The following MCM9 variants were observed in gnomAD, a reference collection of about 807,000 sequenced individuals.
The protein encoded by MCM9 is DNA helicase MCM9.
Under a neutral mutation model 72.8 loss-of-function variants are expected in MCM9, and 55 were observed. That is an observed-to-expected ratio of 0.76 (90% CI 0.61 to 0.95). MCM9 has a LOEUF of 0.95. MCM9 is among the 40% of genes least tolerant of loss of function. The pLI is 0.00. For missense variants in MCM9, 1,279 were observed against 1,377.0 expected (o/e 0.93, Z 1.13); for synonymous variants, 480 against 503.4 (o/e 0.95, Z 0.62).
chr6:118,824,327 C>A (rs969325096), intron 13 of MCM9, among the ~76,000 whole-genome samples: 1 of 148,492 alleles, frequency 6.7e-6, no homozygotes, highest in Admixed American at 6.7e-5. Flanking sequence ...TAGACTAAGC[C>A]CTATTATTTT....
chr6:118,868,401 A>C (rs1415081327), intron 8 of MCM9, among the ~76,000 whole-genome samples: 1 of 152,214 alleles, frequency 6.6e-6, no homozygotes, highest in Non-Finnish European at 1.5e-5. Flanking sequence ...AATGGCAACG[A>C]AAGCCAAAAT....
intron 8 of MCM9, among the ~76,000 whole-genome samples, chr6:118,863,867 T>G (rs1057250315): frequency 6.6e-6 from 1 of 152,158 alleles, no homozygotes; most frequent in African/African-American, 2.4e-5. Flanking sequence ...CCCTTTTTTT[T>G]ATAAACTACC....
intron 9 of MCM9, among the ~76,000 whole-genome samples, chr6:118,841,963 T>C (rs531953681): frequency 6.6e-6 from 1 of 151,768 alleles, no homozygotes; most frequent in South Asian, 2.1e-4. Context: ...GCCTCCAGAG[T>C]AGCTGGGACT....
chr6:118,831,367 G>A (rs1295326334), intron 9 of MCM9, among the ~76,000 whole-genome samples: 1 of 151,832 alleles, frequency 6.6e-6, no homozygotes, highest in Non-Finnish European at 1.5e-5. Flanking sequence ...AAAAAGTTGG[G>A]GGTGGGGAGA....
intron 9 of MCM9, among the ~76,000 whole-genome samples, chr6:118,846,657 C>A (rs1036071551): frequency 4.0e-5 from 6 of 151,632 alleles, no homozygotes; most frequent in Non-Finnish European, 7.4e-5. Context: ...AAGAAGGAGG[C>A]AAGCAGTGGA....
intron 8 of MCM9, among the ~76,000 whole-genome samples, chr6:118,871,861 C>T (rs149878983): frequency 2.6e-5 from 4 of 151,298 alleles, no homozygotes; most frequent in Admixed American, 1.3e-4. Flanking sequence ...CAGCAGAGAT[C>T]GCACCACCGA....
intron 8 of MCM9, among the ~76,000 whole-genome samples, chr6:118,886,662 T>G (rs1302612894): frequency 6.6e-6 from 1 of 152,190 alleles, no homozygotes; most frequent in African/African-American, 2.4e-5. Context: ...GCTTATACTA[T>G]GAAAACAACA....
rs959408280 is a variant in MCM9, at chr6:118,930,984, G to A, written c.304+436C>T. Among the ~76,000 whole-genome samples the A allele has an allele frequency of 2.6e-5, 4 of 152,176 alleles. No homozygotes were observed. The South Asian group carries it at 8.3e-4, about 31-fold the overall frequency. ...CATGCATTCAACAAAAATGTATCGAGTAACTGGTAGGTAGACTGCACAATG... is the reference window on the plus strand; with the variant it reads ...CATGCATTCAACAAAAATGTATCGAATAACTGGTAGGTAGACTGCACAATG... On this transcript the variant is annotated intron_variant, in intron 3 of 13. Transcript: ENST00000619706.
At chr6:118,916,432 CATTATTATT>C (rs60745084) in intron 6 of MCM9, among the ~76,000 whole-genome samples, 259 of 142,392 alleles carry the variant, frequency 1.8e-3, no homozygotes, top group African/African-American at 3.5e-3. Flanking sequence ...GAAATGGAAG[CATTATTATT>C]ATTATTATTA....
chr6:118,895,387 C>T (rs1223481854), intron 8 of MCM9, among the ~76,000 whole-genome samples: 2 of 152,296 alleles, frequency 1.3e-5, no homozygotes, highest in African/African-American at 4.8e-5. Flanking sequence ...TTACATTTAA[C>T]CTAAAAGCAG....
rs1409415194 is a variant in MCM9 at position 118,815,776 on chromosome 6, G to C, written c.2480C>G (p.Ser827Cys). ...TTTATCAGCAGAGACTGCTGCTTCA[G>C]AATCTAGTGCTAGCCTTTTTTTCTT... ...SNKKKRLALD[S>C]EAAVSADKPD... Residue 827 changes from serine to cysteine, a missense_variant, in exon 14 of 14, where the codon TCT becomes TGT. Physicochemically the swap from Ser to Cys is moderately radical, Grantham distance 112. Coordinates refer to ENST00000619706, the MANE Select transcript of MCM9 (RefSeq NM_017696.3). The C allele has an allele frequency of 1.3e-6, 2 of 1,540,698 alleles. No individual in the cohort carries two copies. Among genetic ancestry groups the C allele is most frequent in the African/African-American group, 1.4e-5 (1 of 73,042 alleles).
Position 118,815,863 on chromosome 6 carries a change from C to A in MCM9, c.2393G>T (p.Gly798Val). 6.5e-7 allele frequency: 1 copy of A among 1,541,102 alleles called. No individual in the cohort carries two copies. Among genetic ancestry groups the A allele is most frequent in the Non-Finnish European group, 8.7e-7 (1 of 1,146,942 alleles). The change falls in exon 14 of 14, where the codon GGG becomes GTG. Residue 798 changes from glycine to valine, a missense_variant. Physicochemically the swap from Gly to Val is moderately radical, Grantham distance 109 (BLOSUM62 -3). Transcript: ENST00000619706. ...EPGQRSKVDI[G>V]LLPSPGETGV... is the part of the protein sequence containing the mutation. Reference sequence around the variant, plus strand: ...TGTCTCTCCTGGTGATGGAAGCAACCCAATGTCCACTTTGCTCCTTTGGCC... The same window carrying A: ...TGTCTCTCCTGGTGATGGAAGCAACACAATGTCCACTTTGCTCCTTTGGCC...
intron 6 of MCM9, among the ~76,000 whole-genome samples, chr6:118,914,209 T>C (rs1482988341): frequency 6.6e-6 from 1 of 152,200 alleles, no homozygotes; most frequent in African/African-American, 2.4e-5. Context: ...AGTGTAAGTA[T>C]GAGATCTCGA....
intron 8 of MCM9, among the ~76,000 whole-genome samples, chr6:118,864,409 G>A (rs536081131): frequency 6.6e-6 from 1 of 152,208 alleles, no homozygotes; most frequent in South Asian, 2.1e-4. Flanking sequence ...AAAGCAGGAG[G>A]TAAGAGGTAG....
At chr6:118,835,420 A>C (rs1036251661) in intron 9 of MCM9, among the ~76,000 whole-genome samples, 1 of 152,182 alleles carries the variant, frequency 6.6e-6, no homozygotes, top group African/African-American at 2.4e-5. Context: ...GATAGAATTG[A>C]ATCTATAAAT....
In MCM9 at chr6:118,856,461, C is replaced by T; in HGVS notation, c.1235G>A (p.Cys412Tyr). ...ALVLADAGLCCIDEFNSLKEH... is the reference protein window; with the variant it reads ...ALVLADAGLCYIDEFNSLKEH... Reference sequence around the variant, plus strand: ...TTTGAGGCTATTGAACTCATCAATACAGCAAAGGCCCGCATCTGCAAGAAC... The same window carrying T: ...TTTGAGGCTATTGAACTCATCAATATAGCAAAGGCCCGCATCTGCAAGAAC... Residue 412 changes from cysteine to tyrosine, a missense_variant, in exon 9 of 14, where the codon TGT becomes TAT. Cys to Tyr is a radical substitution (Grantham distance 194). Coordinates refer to ENST00000619706, the MANE Select transcript of MCM9 (RefSeq NM_017696.3). 1 of 1,535,710 alleles carries T rather than the reference C, an allele frequency of 6.5e-7. No homozygotes were observed. Among genetic ancestry groups the T allele is most frequent in the Non-Finnish European group, 8.7e-7 (1 of 1,146,900 alleles).
intron 9 of MCM9, among the ~76,000 whole-genome samples, chr6:118,843,662 A>ATACACG (rs1554257119): frequency 1.7e-5 from 1 of 59,684 alleles, no homozygotes; most frequent in African/African-American, 6.8e-5. Context: ...ATATGTGTAT[A>ATACACG]TATATATGTA....
chr6:118,814,856 C>T lies in MCM9; in HGVS notation c.3400G>A (p.Asp1134Asn), dbSNP rs1773306269. ...TTTTTTCTCATCTCTTCATCCCAGTCACAATCAAATGCTTCATCACCTAGT... is the reference window on the plus strand; with the variant it reads ...TTTTTTCTCATCTCTTCATCCCAGTTACAATCAAATGCTTCATCACCTAGT... Reference protein sequence around the residue: ...PELGDEAFDCDWDEEMRKKS With the variant: ...PELGDEAFDCNWDEEMRKKS The change falls in exon 14 of 14, where the codon GAC becomes AAC. Residue 1134 changes from aspartate (D) to asparagine (N), a missense_variant. Coordinates refer to ENST00000619706, the MANE Select transcript of MCM9 (RefSeq NM_017696.3). 16 of 1,524,096 alleles carry T rather than the reference C, an allele frequency of 1.0e-5. No individual in the cohort carries two copies. The highest frequency in any genetic ancestry group is 2.5e-5 in the East Asian group (1 of 40,646). The allele number at this position is 1,524,096 out of a possible 1,614,324, so 94.4% of individuals were successfully genotyped here. A position where few individuals can be genotyped will look rare whatever the true frequency, so the allele number is the denominator to read the frequency against.
chr6:118,870,188 CAGT>C (rs760551358), intron 8 of MCM9, among the ~76,000 whole-genome samples: 50 of 152,280 alleles, frequency 3.3e-4, no homozygotes, highest in African/African-American at 1.1e-3. Flanking sequence ...CACTCAACAG[CAGT>C]AGAATACACA....
Sources: gnomAD v4.1 joint callset for allele counts (sites outside exome capture counted in the v4.1 genomes callset) on GRCh38, gnomAD v4.1.1 for gene constraint, MANE v1.5 for transcripts, NCBI Gene and HGNC (gene_info 2026-07-23, HGNC 2026-07-21) for gene names.